The following PCDH15 variants were observed in gnomAD, a reference collection of about 807,000 sequenced individuals.
PCDH15 encodes protocadherin related 15.
PCDH15 carries 129 observed loss-of-function variants against 178.5 expected under a neutral mutation model. The observed-to-expected ratio is 0.72, with a 90% CI of 0.63 to 0.84. The LOEUF is 0.84. Ranked by LOEUF, PCDH15 falls within the 40% of genes least tolerant of loss-of-function variation. PCDH15 has a pLI of 0.00. For missense variants in PCDH15, 2,230 were observed against 2,099.9 expected (o/e 1.06, Z -1.21); for synonymous variants, 800 against 732.0 (o/e 1.09, Z -1.50).
intron 1 of PCDH15, among the ~76,000 whole-genome samples, chr10:55,203,469 G>A (rs1174282682): frequency 6.6e-6 from 1 of 151,848 alleles, no homozygotes; most frequent in African/African-American, 2.4e-5. Context: ...CAGAAAATAC[G>A]ATATTTGACT....
At chr10:54,504,708 T>C (rs1319040671) in intron 3 of PCDH15, among the ~76,000 whole-genome samples, 2 of 152,174 alleles carry the variant, frequency 1.3e-5, no homozygotes, top group Non-Finnish European at 1.5e-5. Flanking sequence ...GATACAGATA[T>C]ACATATACAT....
chr10:54,343,138 G>T (rs1294501384), intron 6 of PCDH15, among the ~76,000 whole-genome samples: 3 of 152,070 alleles, frequency 2.0e-5, no homozygotes, highest in Non-Finnish European at 2.9e-5. Context: ...CAAGAGATTT[G>T]GAAGAGGCCA....
At chr10:54,398,370 A>G (rs903502811) in intron 3 of PCDH15, among the ~76,000 whole-genome samples, 1 of 152,000 alleles carries the variant, frequency 6.6e-6, no homozygotes, top group Non-Finnish European at 1.5e-5. Flanking sequence ...TGAATCTCAA[A>G]TAAACTTTAT....
intron 8 of PCDH15, among the ~76,000 whole-genome samples, chr10:54,306,706 C>T (rs2060492788): frequency 6.6e-6 from 1 of 151,632 alleles, no homozygotes; most frequent in Admixed American, 6.6e-5. Flanking sequence ...CTATCCCAGG[C>T]TCCATTCCCT....
At chr10:53,845,214 A>G (rs181280332) in intron 28 of PCDH15, among the ~76,000 whole-genome samples, 5 of 152,024 alleles carry the variant, frequency 3.3e-5, no homozygotes, top group African/African-American at 9.6e-5. Context: ...AAAAACAAAC[A>G]AACAAAAAAT....
At chr10:54,230,929 CTTATA>C (rs1052716496) in intron 9 of PCDH15, among the ~76,000 whole-genome samples, 2 of 152,090 alleles carry the variant, frequency 1.3e-5, no homozygotes, top group African/African-American at 4.8e-5. Flanking sequence ...AGCAGACTTT[CTTATA>C]TTATTAGAAA....
chr10:55,161,953 G>A (rs998654512), intron 2 of PCDH15, among the ~76,000 whole-genome samples: 5 of 152,106 alleles, frequency 3.3e-5, no homozygotes, highest in African/African-American at 1.2e-4. Context: ...GAAAACTGTT[G>A]TGGCCCATGA....
chr10:54,980,350 T>C (rs1409755001), intron 2 of PCDH15, among the ~76,000 whole-genome samples: 1 of 152,026 alleles, frequency 6.6e-6, no homozygotes, highest in Non-Finnish European at 1.5e-5. Flanking sequence ...GAAAAGAGAG[T>C]AAATACTCTT....
intron 26 of PCDH15, among the ~76,000 whole-genome samples, chr10:53,901,413 T>C (rs986011840): frequency 1.3e-5 from 2 of 152,114 alleles, no homozygotes; most frequent in African/African-American, 4.8e-5. Flanking sequence ...AAATCCTATA[T>C]GTTCTATCCT....
intron 8 of PCDH15, among the ~76,000 whole-genome samples, chr10:54,240,273 T>G (rs2055102423): frequency 6.6e-6 from 1 of 151,732 alleles, no homozygotes; most frequent in South Asian, 2.1e-4. Flanking sequence ...CAAGTATTTT[T>G]TTTTAACAAC....
At chr10:54,136,800 G>A (rs905399819) in intron 14 of PCDH15, among the ~76,000 whole-genome samples, 9 of 152,118 alleles carry the variant, frequency 5.9e-5, no homozygotes, top group South Asian at 2.1e-4. Context: ...TCCTTGATCC[G>A]TCCTTACTCC....
intron 1 of PCDH15, among the ~76,000 whole-genome samples, chr10:55,316,321 T>C (rs1843721154): frequency 6.6e-6 from 1 of 152,152 alleles, no homozygotes; most frequent in Non-Finnish European, 1.5e-5. Context: ...CAACCTAGAT[T>C]AATAAATTAT....
At chr10:55,445,246 G>T (rs747491120) in intron 2 of PCDH15, among the ~76,000 whole-genome samples, 1 of 151,972 alleles carries the variant, frequency 6.6e-6, no homozygotes, top group Non-Finnish European at 1.5e-5. Flanking sequence ...TTCCTAGACT[G>T]GTGTTTGAAC....
chr10:55,045,335 G>A (rs1434752926), intron 2 of PCDH15, among the ~76,000 whole-genome samples: 1 of 151,918 alleles, frequency 6.6e-6, no homozygotes, highest in Non-Finnish European at 1.5e-5. Context: ...TTAGGTCTGT[G>A]TCAGATGTTG....
intron 23 of PCDH15, among the ~76,000 whole-genome samples, chr10:53,944,858 T>G (rs938532190): frequency 1.3e-5 from 2 of 152,208 alleles, no homozygotes; most frequent in Non-Finnish European, 2.9e-5. Flanking sequence ...CAGTAAGGGC[T>G]TCCTCAAAGG....
chr10:55,232,915 T>C (rs1360648438), intron 1 of PCDH15, among the ~76,000 whole-genome samples: 1 of 152,116 alleles, frequency 6.6e-6, no homozygotes, highest in African/African-American at 2.4e-5. Flanking sequence ...CCTTTTGGAA[T>C]GCATTGATCT....
chr10:54,013,855 C>G (rs1289695203), intron 20 of PCDH15, among the ~76,000 whole-genome samples: 1 of 151,816 alleles, frequency 6.6e-6, no homozygotes, highest in Non-Finnish European at 1.5e-5. Context: ...ACTAGAGAAA[C>G]AAGAGCAAAC....
intron 1 of PCDH15, among the ~76,000 whole-genome samples, chr10:55,302,689 C>T (rs1373594488): frequency 6.6e-6 from 1 of 152,120 alleles, no homozygotes; most frequent in East Asian, 1.9e-4. Flanking sequence ...AACTTCAAAG[C>T]AATATCCAGA....
intron 2 of PCDH15, among the ~76,000 whole-genome samples, chr10:55,398,289 G>A (rs1837978440): frequency 6.6e-6 from 1 of 152,086 alleles, no homozygotes; most frequent in Admixed American, 6.5e-5. Flanking sequence ...AAGAAAGTGA[G>A]TAGAAGTGAG....
Sources: gnomAD v4.1 joint callset for allele counts (sites outside exome capture counted in the v4.1 genomes callset) on GRCh38, gnomAD v4.1.1 for gene constraint, MANE v1.5 for transcripts, NCBI Gene and HGNC (gene_info 2026-07-23, HGNC 2026-07-21) for gene names.